TBCK: variants seen among roughly 807,000 people sequenced by gnomAD.
TBCK encodes the protein TBC1 domain containing kinase, also known as TBC domain-containing protein kinase-like protein.
In TBCK, 99 loss-of-function variants were observed where a neutral mutation model predicts 113.4. That is an observed-to-expected ratio of 0.87 (90% CI 0.74 to 1.03). The LOEUF (loss-of-function observed/expected upper bound fraction) is 1.03. TBCK is among the 50% of genes least tolerant of loss of function. The pLI is 0.00. For synonymous variants in TBCK, 369 were observed against 370.8 expected (o/e 1.00, Z 0.05); for missense variants, 1,045 against 1,061.3 (o/e 0.98, Z 0.21).
In TBCK at chr4:106,235,338, C is replaced by T. The variant is rs751680852; in HGVS notation, c.1380G>A (p.Trp460Ter). Residue 460 changes from tryptophan to a stop codon, truncating the protein, a stop_gained, in exon 15 of 26, where the codon TGG becomes TGA. Coordinates refer to ENST00000394708, the MANE Select transcript of TBCK (RefSeq NM_001163435.3). LOFTEE classifies it high-confidence loss of function. ...KAYPYKKNQI[W>*]KEARVDIPPL... Reference sequence around the variant, plus strand: ...GAGGAATGTCAACTCTTGCTTCTTTCCAGATTTGGTTTTTTTTATATGGAT... The same window carrying T: ...GAGGAATGTCAACTCTTGCTTCTTTTCAGATTTGGTTTTTTTTATATGGAT... The T allele has an allele frequency of 1.2e-6, 2 of 1,609,754 alleles. No individual in the cohort carries two copies. Among genetic ancestry groups the T allele is most frequent in the African/African-American group, 1.3e-5 (1 of 74,652 alleles).
chr4:106,198,343 A>G (rs1754494187), intron 20 of TBCK, among the ~76,000 whole-genome samples: 2 of 152,178 alleles, frequency 1.3e-5, no homozygotes, highest in African/African-American at 4.8e-5. Context: ...AATTTAAAGT[A>G]GTATTATTAT....
rs535818865 is a variant in TBCK at position 106,291,523 on chromosome 4, A to G, written c.266+3571T>C. 1.4e-4 allele frequency among the ~76,000 whole-genome samples: 21 copies of G among 152,350 alleles called. No individual in the cohort carries two copies. In the East Asian group the frequency reaches 4.0e-3, roughly 29 times the overall value. On this transcript the variant is annotated intron_variant, in intron 3 of 25. Transcript: ENST00000394708. ...TATCCAATGAAGCCATAAAACCTTC[A>G]AAACTGCTTTGTCACATGGAGACCA...
At chr4:106,156,263 G>T (rs1749110945) in intron 23 of TBCK, among the ~76,000 whole-genome samples, 1 of 152,030 alleles carries the variant, frequency 6.6e-6, no homozygotes, top group Admixed American at 6.6e-5. Flanking sequence ...TAGAGCTTGG[G>T]GTGGTGTGAC....
At chr4:106,127,981 G>A (rs994652655) in intron 23 of TBCK, among the ~76,000 whole-genome samples, 3 of 151,866 alleles carry the variant, frequency 2.0e-5, no homozygotes, top group South Asian at 2.1e-4. Context: ...ACACACATGC[G>A]TGCACACACC....
intron 19 of TBCK, among the ~76,000 whole-genome samples, chr4:106,227,199 A>G (rs1361486845): frequency 1.3e-5 from 2 of 152,120 alleles, no homozygotes; most frequent in African/African-American, 2.4e-5. Context: ...CAAAATTAAC[A>G]TAGAGATAAT....
At chr4:106,109,447 A>G (rs764105026) in intron 24 of TBCK, among the ~76,000 whole-genome samples, 1 of 152,174 alleles carries the variant, frequency 6.6e-6, no homozygotes. Context: ...ATGGAACAGA[A>G]TAGAGAGCCT....
chr4:106,177,498 T>G (rs1298569331), intron 22 of TBCK, among the ~76,000 whole-genome samples: 1 of 151,986 alleles, frequency 6.6e-6, no homozygotes, highest in Non-Finnish European at 1.5e-5. Flanking sequence ...TTTGATTTAA[T>G]TTTTGCATAT....
intron 20 of TBCK, among the ~76,000 whole-genome samples, chr4:106,208,907 C>T (rs776992930): frequency 4.6e-5 from 7 of 152,286 alleles, no homozygotes; most frequent in East Asian, 3.9e-4. Context: ...ATCCAGACGC[C>T]GGCTCCCAAG....
At chr4:106,056,329 T>C (rs1311314888) in intron 25 of TBCK, among the ~76,000 whole-genome samples, 1 of 149,884 alleles carries the variant, frequency 6.7e-6, no homozygotes, top group African/African-American at 2.4e-5. Flanking sequence ...GGTATCGAAC[T>C]CCTGGGATCA....
At chr4:106,241,341 A>AATTGAC (rs200895977) in intron 12 of TBCK, among the ~76,000 whole-genome samples, 1,674 of 152,064 alleles carry the variant, frequency 0.011, 31 homozygotes, top group African/African-American at 0.038. Flanking sequence ...TAACTTATCA[A>AATTGAC]TTCAATGCAA....
chr4:106,289,418 A>C (rs988115024), intron 3 of TBCK, among the ~76,000 whole-genome samples: 4 of 152,240 alleles, frequency 2.6e-5, no homozygotes, highest in African/African-American at 7.2e-5. Context: ...CCATTTAAAC[A>C]AAGAGCAATA....
intron 20 of TBCK, 50 bp downstream of exon 20, chr4:106,212,700 T>G (rs1312988307): frequency 7.3e-7 from 1 of 1,362,790 alleles, no homozygotes; most frequent in South Asian, 1.2e-5. Flanking sequence ...GCTAATAATT[T>G]CTGCTTTTTT....
chr4:106,292,281 T>G (rs1449728981), intron 3 of TBCK, among the ~76,000 whole-genome samples: 1 of 152,126 alleles, frequency 6.6e-6, no homozygotes, highest in Non-Finnish European at 1.5e-5. Flanking sequence ...CATTAAAGTA[T>G]ATGCCCTTGG....
chr4:106,194,761 G>A lies in TBCK; in HGVS notation c.1861-7C>T, dbSNP rs559351051. On this transcript the variant is annotated splice_region_variant and splice_polypyrimidine_tract_variant and intron_variant, in intron 20 of 25. Coordinates refer to ENST00000394708, the MANE Select transcript of TBCK (RefSeq NM_001163435.3). ...ACCAAGGGATGGCATAGAGCTATGA[G>A]TGGAAAAAGGGGTACAGGGAATGGA... The A allele has an allele frequency of 5.1e-6, 8 of 1,575,844 alleles. 1 individual carries two copies. The South Asian group carries it at 7.1e-5, about 14-fold the overall frequency.
At chr4:106,193,854 T>G in intron 21 of TBCK, 84 bp from the exon 22 acceptor site, 1 of 873,346 alleles carries the variant, frequency 1.1e-6, no homozygotes, top group Non-Finnish European at 1.7e-6. Flanking sequence ...AGTTCTATAA[T>G]TATTACCTTA....
chr4:106,245,822 C>T (rs1038513079), intron 10 of TBCK, among the ~76,000 whole-genome samples: 2 of 152,134 alleles, frequency 1.3e-5, no homozygotes, highest in African/African-American at 4.8e-5. Flanking sequence ...TGCTGCAGTA[C>T]CTTTCTTGAC....
At position 106,095,384 on chromosome 4, in the gene TBCK, G is replaced by C; in HGVS notation, c.2571+98C>G. 5 of 1,154,180 alleles carry C rather than the reference G, an allele frequency of 4.3e-6. No homozygotes were observed. In the South Asian group the frequency reaches 9.4e-5, roughly 22 times the overall value. 71.5% of individuals were successfully genotyped at this position (1,154,180 alleles called of 1,614,324 possible). On this transcript the variant is annotated intron_variant, in intron 25 of 25. Coordinates refer to ENST00000394708, the MANE Select transcript of TBCK (RefSeq NM_001163435.3). Reference sequence around the variant, plus strand: ...AATCTTCAAAGCTCATAGTATTTGTGACCAACTCCTGAAGAAATATACTTT... The same window carrying C: ...AATCTTCAAAGCTCATAGTATTTGTCACCAACTCCTGAAGAAATATACTTT...
intron 25 of TBCK, among the ~76,000 whole-genome samples, chr4:106,086,306 C>T (rs1739511167): frequency 6.6e-6 from 1 of 152,166 alleles, no homozygotes; most frequent in Non-Finnish European, 1.5e-5. Flanking sequence ...ATAAACATCT[C>T]TATGCAAAGA....
chr4:106,251,243 G>T (rs1189793166), intron 6 of TBCK: 3 of 193,714 alleles, frequency 1.5e-5, no homozygotes, highest in Middle Eastern at 5.1e-4. Context: ...TTATGGTGAG[G>T]GTTATGTAAT....
Sources: allele counts gnomAD v4.1 joint callset (sites outside exome capture counted in the v4.1 genomes callset), GRCh38; gene constraint gnomAD v4.1.1; transcripts MANE v1.5; gene names NCBI Gene and HGNC (gene_info 2026-07-23, HGNC 2026-07-21).